Variants in RALGAPA1 observed in about 807,000 individuals in gnomAD.
RALGAPA1 encodes the protein Ral GTPase activating protein catalytic subunit alpha 1.
Under a neutral mutation model 269.6 loss-of-function variants are expected in RALGAPA1, and 52 were observed. The ratio of observed to expected loss-of-function variants is 0.19; its 90% CI spans 0.15 to 0.24. The LOEUF (loss-of-function observed/expected upper bound fraction) is 0.24, where lower values mean the gene tolerates loss of function less well. Ranked by LOEUF, RALGAPA1 falls within the 10% of genes least tolerant of loss-of-function variation. The pLI is 1.00. For missense variants in RALGAPA1, 1,917 were observed against 3,013.9 expected, an observed-to-expected ratio of 0.64 and a Z score of 8.52; for synonymous variants, 817 against 1,008.3, an observed-to-expected ratio of 0.81 and a Z score of 3.60.
Position 35,804,385 on chromosome 14 carries a change from A to G in RALGAPA1, c.106+4345T>C, listed in dbSNP as rs191427985. Among the ~76,000 whole-genome samples, 514 of 151,830 alleles carry G rather than the reference A, an allele frequency of 3.4e-3. 3 individuals carry two copies. The highest frequency in any genetic ancestry group is 0.012 in the African/African-American group (477 of 41,388). On this transcript the variant is annotated intron_variant, in intron 1 of 41. Transcript: ENST00000680220. ...GGAGTTCAAGACCAGCCTGGCCAAC[A>G]TGGTGAAACCCTGTCTCTACTAAAA... is the stretch of plus-strand genomic sequence containing the variant.
At chr14:35,804,763 T>C (rs2077234482) in intron 1 of RALGAPA1, among the ~76,000 whole-genome samples, 1 of 149,128 alleles carries the variant, frequency 6.7e-6, no homozygotes, top group Non-Finnish European at 1.5e-5. Flanking sequence ...AGACCCCATC[T>C]CTACAAAAAA....
At chr14:35,794,760 ATACTCTTT>A (rs2076439045) in intron 1 of RALGAPA1, among the ~76,000 whole-genome samples, 1 of 152,156 alleles carries the variant, frequency 6.6e-6, no homozygotes, top group Non-Finnish European at 1.5e-5. Flanking sequence ...CGGCCAATCC[ATACTCTTT>A]TTAAGTCATT....
chr14:35,754,365 A>C lies in RALGAPA1; in HGVS notation c.664-2203T>G, dbSNP rs527540862. Reference sequence around the variant, plus strand: ...GGACTTCTTTCTAAAACATATAAAAAGCTTAAACTTAATAAGACAAGCCAA... The same window carrying C: ...GGACTTCTTTCTAAAACATATAAAACGCTTAAACTTAATAAGACAAGCCAA... On this transcript the variant is annotated intron_variant, in intron 7 of 41. Transcript: ENST00000680220. 2.6e-5 allele frequency among the ~76,000 whole-genome samples: 4 copies of C among 152,346 alleles called. No individual in the cohort carries two copies. In the South Asian group the frequency reaches 8.3e-4, roughly 32 times the overall value.
At chr14:35,786,162 G>GA (rs930252043) in intron 1 of RALGAPA1, among the ~76,000 whole-genome samples, 13 of 149,532 alleles carry the variant, frequency 8.7e-5, no homozygotes, top group South Asian at 2.1e-4. Context: ...GTCTCAAAAA[G>GA]AAAAAAAAAC....
intron 37 of RALGAPA1, among the ~76,000 whole-genome samples, chr14:35,593,287 G>T (rs1235011922): frequency 1.3e-5 from 2 of 152,060 alleles, no homozygotes; most frequent in Non-Finnish European, 2.9e-5. Flanking sequence ...AACCAAGGAG[G>T]TGAAAGATTT....
intron 31 of RALGAPA1, among the ~76,000 whole-genome samples, chr14:35,639,259 C>A (rs1307541816): frequency 1.3e-5 from 2 of 152,322 alleles, no homozygotes; most frequent in East Asian, 3.9e-4. Flanking sequence ...GCACTCAACA[C>A]TGGAGCACCC....
intron 1 of RALGAPA1, among the ~76,000 whole-genome samples, chr14:35,776,809 T>C (rs2075067640): frequency 6.6e-6 from 1 of 151,906 alleles, no homozygotes; most frequent in African/African-American, 2.4e-5. Flanking sequence ...GAGGTATGCA[T>C]GTATACACAT....
intron 17 of RALGAPA1, among the ~76,000 whole-genome samples, chr14:35,699,063 A>G (rs2067128163): frequency 6.6e-6 from 1 of 152,176 alleles, no homozygotes. Flanking sequence ...TCATTCATCA[A>G]TACTTACTGG....
chr14:35,708,986 A>T lies in RALGAPA1; in HGVS notation c.2267-8684T>A, dbSNP rs561107962. The stretch of plus-strand genomic sequence containing the variant: ...ATAAGCCAGGCACAGAAAGACAAAC[A>T]TCACATGCTCTCACTTATCTGTGGG... On this transcript the variant is annotated intron_variant, in intron 16 of 41. Coordinates refer to ENST00000680220, the MANE Select transcript of RALGAPA1 (RefSeq NM_001346249.2). 2.0e-5 allele frequency among the ~76,000 whole-genome samples: 3 copies of T among 152,314 alleles called. No homozygotes were observed. The South Asian group carries it at 6.2e-4, about 32-fold the overall frequency.
chr14:35,696,998 A>G (rs1271390554), intron 17 of RALGAPA1, among the ~76,000 whole-genome samples: 1 of 152,180 alleles, frequency 6.6e-6, no homozygotes, highest in African/African-American at 2.4e-5. Flanking sequence ...ATGATCTAAG[A>G]TTTTGGTGAT....
intron 11 of RALGAPA1, among the ~76,000 whole-genome samples, chr14:35,739,862 C>A (rs971215671): frequency 2.6e-5 from 4 of 152,078 alleles, no homozygotes; most frequent in Non-Finnish European, 4.4e-5. Flanking sequence ...AAGTATGTAA[C>A]TGTTCATGCT....
intron 35 of RALGAPA1, among the ~76,000 whole-genome samples, chr14:35,617,154 T>C (rs1037805380): frequency 2.0e-5 from 3 of 152,144 alleles, no homozygotes; most frequent in Admixed American, 2.0e-4. Context: ...AAGCTTTCCA[T>C]ATAAAGTGAT....
At chr14:35,690,042 C>T in intron 17 of RALGAPA1, 39 bp from the exon 18 acceptor site, 1 of 1,329,222 alleles carries the variant, frequency 7.5e-7, no homozygotes, top group African/African-American at 1.6e-5. Context: ...AAGAACTACA[C>T]AAATATAAAA....
chr14:35,692,785 C>T (rs1344673376), intron 17 of RALGAPA1, among the ~76,000 whole-genome samples: 1 of 151,908 alleles, frequency 6.6e-6, no homozygotes, highest in Non-Finnish European at 1.5e-5. Flanking sequence ...TATGTCAATA[C>T]AAATGGCACT....
chr14:35,587,732 G>A (rs1594716742), intron 37 of RALGAPA1, among the ~76,000 whole-genome samples: 1 of 151,566 alleles, frequency 6.6e-6, no homozygotes, highest in Admixed American at 6.6e-5. Flanking sequence ...GTGGGGGGAA[G>A]GGGTAGGGAT....
At chr14:35,747,313 T>G (rs960982986) in intron 10 of RALGAPA1, among the ~76,000 whole-genome samples, 5 of 152,276 alleles carry the variant, frequency 3.3e-5, no homozygotes, top group East Asian at 3.9e-4. Flanking sequence ...CCTAGAAAAA[T>G]AAACTTATTT....
At chr14:35,699,210 T>C (rs1417102020) in intron 17 of RALGAPA1, among the ~76,000 whole-genome samples, 1 of 152,220 alleles carries the variant, frequency 6.6e-6, no homozygotes, top group African/African-American at 2.4e-5. Context: ...TTCTTTGAGC[T>C]AGCACAGTAT....
At chr14:35,580,553 G>GTCTTGTTGTAATA (rs2057889202) in intron 37 of RALGAPA1, among the ~76,000 whole-genome samples, 5 of 152,256 alleles carry the variant, frequency 3.3e-5, no homozygotes, top group Admixed American at 2.0e-4. Flanking sequence ...TGCTCAAGAA[G>GTCTTGTTGTAATA]TATAGTCTAT....
intron 36 of RALGAPA1, among the ~76,000 whole-genome samples, chr14:35,596,557 C>T (rs893666999): frequency 3.3e-5 from 5 of 151,626 alleles, no homozygotes; most frequent in African/African-American, 4.8e-5. Context: ...TGGAGAATTA[C>T]AAAAAAAATC....
Sources: gnomAD v4.1 joint callset for allele counts (sites outside exome capture counted in the v4.1 genomes callset) on GRCh38, gnomAD v4.1.1 for gene constraint, MANE v1.5 for transcripts, NCBI Gene and HGNC (gene_info 2026-07-23, HGNC 2026-07-21) for gene names.